ACAD11: variants seen among roughly 807,000 people sequenced by gnomAD.
The protein encoded by ACAD11 is acyl-CoA dehydrogenase family member 11.
Under a neutral mutation model 102.2 loss-of-function variants are expected in ACAD11, and 83 were observed. The observed-to-expected ratio is 0.81, with a 90% CI of 0.68 to 0.97. ACAD11 has a LOEUF of 0.97. Ranked by LOEUF, ACAD11 falls within the 50% of genes least tolerant of loss-of-function variation. The pLI is 0.00. For synonymous variants in ACAD11, 324 were observed against 319.8 expected, an observed-to-expected ratio of 1.01 and a Z score of -0.14; for missense variants, 901 against 951.7, an observed-to-expected ratio of 0.95 and a Z score of 0.70.
chr3:132,643,018 T>G (rs947409669), intron 2 of ACAD11, among the ~76,000 whole-genome samples: 2 of 152,180 alleles, frequency 1.3e-5, no homozygotes, highest in African/African-American at 4.8e-5. Flanking sequence ...GTAATTTAAT[T>G]AGGATAAGAA....
At chr3:132,563,317 A>C (rs1241014312) in intron 17 of ACAD11, among the ~76,000 whole-genome samples, 1 of 152,130 alleles carries the variant, frequency 6.6e-6, no homozygotes, top group African/African-American at 2.4e-5. Context: ...AAATTTTAGG[A>C]TCAGTCTGTC....
At chr3:132,617,099 A>G (rs1174022027) in intron 11 of ACAD11, among the ~76,000 whole-genome samples, 4 of 152,204 alleles carry the variant, frequency 2.6e-5, no homozygotes, top group African/African-American at 9.6e-5. Context: ...AAAAGGCAAT[A>G]CTGAGGCCTA....
rs1221481797 is a variant in ACAD11 at position 132,600,960 on chromosome 3, T to C, written c.1621+2269A>G. On this transcript the variant is annotated intron_variant, in intron 13 of 19. Transcript: ENST00000264990. ...GACAATGCTAGGTGCATTCCCATTT[T>C]CCCCCGCTACCTAGGAACATCAATG... is the stretch of plus-strand genomic sequence containing the variant. The C allele has an allele frequency of 4.3e-5, 69 of 1,612,250 alleles. No homozygotes were observed. In the East Asian group the frequency reaches 6.5e-4, roughly 15 times the overall value.
chr3:132,586,569 ATC>A lies in ACAD11; in HGVS notation c.1622-7013_1622-7012del, dbSNP rs1937838552. Among the ~76,000 whole-genome samples the A allele has an allele frequency of 2.0e-5, 3 of 152,192 alleles. No homozygotes were observed. The South Asian group carries it at 6.2e-4, about 32-fold the overall frequency. On this transcript the variant is annotated intron_variant, in intron 13 of 19. Transcript: ENST00000264990. ...GATACCAAATATGTTGGGCAAAATT[ATC>A]TGTCCCATTTTTCCCCCAAATACAT...
At chr3:132,611,219 T>C (rs1204387835) in intron 11 of ACAD11, among the ~76,000 whole-genome samples, 1 of 152,158 alleles carries the variant, frequency 6.6e-6, no homozygotes, top group East Asian at 1.9e-4. Flanking sequence ...CAATGGGACG[T>C]ATCTCAAAAT....
intron 13 of ACAD11, among the ~76,000 whole-genome samples, chr3:132,602,666 A>T (rs1269968758): frequency 6.6e-6 from 1 of 152,240 alleles, no homozygotes; most frequent in Non-Finnish European, 1.5e-5. Context: ...AATGAATTTT[A>T]TCTCTAAAAC....
chr3:132,641,940 GA>G, intron 4 of ACAD11, 31 bp downstream of exon 4: 3 of 1,549,396 alleles, frequency 1.9e-6, no homozygotes, highest in Non-Finnish European at 2.6e-6. Context: ...ACAAGAACTT[GA>G]AAAAAATAGC....
At chr3:132,637,142 G>C (rs577554972) in intron 5 of ACAD11, among the ~76,000 whole-genome samples, 1 of 152,098 alleles carries the variant, frequency 6.6e-6, no homozygotes, top group East Asian at 1.9e-4. Context: ...TAAAGTCAAG[G>C]GGTGATGGAC....
intron 17 of ACAD11, among the ~76,000 whole-genome samples, chr3:132,563,923 CT>C (rs1465775717): frequency 2.0e-5 from 3 of 152,094 alleles, no homozygotes; most frequent in African/African-American, 7.2e-5. Flanking sequence ...AAAATACTCT[CT>C]ATAAAGTTGA....
In ACAD11 at chr3:132,628,226, G is replaced by A. The variant is rs1431720548; in HGVS notation, c.1070+114C>T. On this transcript the variant is annotated intron_variant, in intron 8 of 19. Transcript: ENST00000264990. ...TACCAAAAATCTATTGTGATTGGCAGCAGCAATCCTGGTGTATGCAATAAA... is the reference window on the plus strand; with the variant it reads ...TACCAAAAATCTATTGTGATTGGCAACAGCAATCCTGGTGTATGCAATAAA... 5 of 546,186 alleles carry A rather than the reference G, an allele frequency of 9.2e-6. No homozygotes were observed. In the Admixed American group the frequency reaches 1.5e-4, roughly 16 times the overall value. The allele number at this position is 546,186 out of a possible 1,614,324, so 33.8% of individuals were successfully genotyped here.
intron 17 of ACAD11, among the ~76,000 whole-genome samples, chr3:132,565,566 A>G (rs1937185816): frequency 1.3e-5 from 2 of 152,170 alleles, no homozygotes; most frequent in African/African-American, 2.4e-5. Context: ...CATAATACCA[A>G]AAACCTGGAA....
intron 8 of ACAD11, among the ~76,000 whole-genome samples, chr3:132,627,607 T>C (rs1343117660): frequency 6.6e-6 from 1 of 152,164 alleles, no homozygotes; most frequent in Non-Finnish European, 1.5e-5. Flanking sequence ...CAAACCACCA[T>C]GGCACATACA....
chr3:132,612,565 C>T lies in ACAD11; in HGVS notation c.1414+6069G>A, dbSNP rs549905898. Among the ~76,000 whole-genome samples the T allele has an allele frequency of 5.9e-5, 9 of 151,940 alleles. No homozygotes were observed. In the East Asian group the frequency reaches 1.4e-3, roughly 23 times the overall value. ...ACAACCCCATCAACAAGTGGGTGAA[C>T]GATATGAACAGACACTTCTCAAAAG... On this transcript the variant is annotated intron_variant, in intron 11 of 19. Coordinates refer to ENST00000264990, the MANE Select transcript of ACAD11 (RefSeq NM_032169.5).
Position 132,639,541 on chromosome 3 carries a change from A to C in ACAD11, c.653T>G (p.Leu218Trp). Residue 218 changes from leucine to tryptophan, a missense_variant, in exon 5 of 20, where the codon TTG (leucine) becomes TGG (tryptophan). Leu to Trp is a moderately conservative substitution (Grantham distance 61). Transcript: ENST00000264990. ...NLPDNDNEEN[L>W]IHGDFRLDNI... ...ATCTAGTCTGAAATCTCCATGAATCAAATTCTCTTCATTGTCATTATCGGG... is the reference window on the plus strand; with the variant it reads ...ATCTAGTCTGAAATCTCCATGAATCCAATTCTCTTCATTGTCATTATCGGG... 6.2e-7 allele frequency: 1 copy of C among 1,614,042 alleles called. No individual in the cohort carries two copies. Among genetic ancestry groups the C allele is most frequent in the Non-Finnish European group, 8.5e-7 (1 of 1,179,972 alleles).
intron 4 of ACAD11, among the ~76,000 whole-genome samples, chr3:132,641,338 T>C (rs1198388074): frequency 5.9e-5 from 9 of 151,880 alleles, no homozygotes; most frequent in South Asian, 2.1e-4. Context: ...GGTCAGGAGA[T>C]TGAGACCATC....
rs1263687142 is a variant in ACAD11 at position 132,558,257 on chromosome 3, AC to A, written c.*713del. On this transcript the variant is annotated 3_prime_UTR_variant, in exon 20 of 20. Coordinates refer to ENST00000264990, the MANE Select transcript of ACAD11 (RefSeq NM_032169.5). ...CAAATAAGGATACCTTTTATAAAGT[AC>A]TTTCTTGTGGTTTTACAGATTTCAA... The A allele has an allele frequency of 6.6e-6, 1 of 152,186 alleles. No homozygotes were observed. The highest frequency in any genetic ancestry group is 1.9e-4 in the East Asian group (1 of 5,204). 9.4% of individuals were successfully genotyped at this position (152,186 alleles called of 1,614,324 possible). A position where few individuals can be genotyped will look rare whatever the true frequency, so the allele number is the denominator to read the frequency against.
At position 132,578,928 on chromosome 3, in the gene ACAD11, A is replaced by T. The variant is rs760910880; in HGVS notation, c.1689-47T>A. ...TTAGAAAAAGTTTGCTAAGAAGAAA[A>T]ATAAAACAGATAATAAGCAGAATCA... On this transcript the variant is annotated intron_variant, in intron 14 of 19. Coordinates refer to ENST00000264990, the MANE Select transcript of ACAD11 (RefSeq NM_032169.5). The T allele has an allele frequency of 1.1e-5, 17 of 1,608,546 alleles. No individual in the cohort carries two copies. In the Admixed American group the frequency reaches 2.8e-4, roughly 27 times the overall value.
At chr3:132,618,841 T>G (rs1218155423) in intron 10 of ACAD11, 69 bp from the exon 11 acceptor site, 2 of 1,373,722 alleles carry the variant, frequency 1.5e-6, no homozygotes, top group African/African-American at 3.0e-5. Flanking sequence ...ATTTCTTTTT[T>G]TAAATATTGG....
chr3:132,624,855 T>A (rs1939751818), intron 9 of ACAD11, among the ~76,000 whole-genome samples: 1 of 151,788 alleles, frequency 6.6e-6, no homozygotes, highest in Non-Finnish European at 1.5e-5. Flanking sequence ...GGCTAATTTT[T>A]GTATTTTTAG....
Sources: allele counts gnomAD v4.1 joint callset (sites outside exome capture counted in the v4.1 genomes callset), GRCh38; gene constraint gnomAD v4.1.1; transcripts MANE v1.5; gene names NCBI Gene and HGNC (gene_info 2026-07-23, HGNC 2026-07-21).